SMARCA2: variants seen among roughly 807,000 people sequenced by gnomAD.
The protein encoded by SMARCA2 is SWI/SNF-related matrix-associated actin-dependent regulator of chromatin subfamily A member 2.
SMARCA2 carries 61 observed loss-of-function variants against 199.8 expected under a neutral mutation model. That is an observed-to-expected ratio of 0.31 (90% confidence interval 0.25 to 0.38). The LOEUF (loss-of-function observed/expected upper bound fraction) is 0.38, where lower values mean the gene tolerates loss of function less well. Ranked by LOEUF, SMARCA2 falls within the 10% of genes least tolerant of loss-of-function variation. The pLI is 1.00. For synonymous variants in SMARCA2, 935 were observed against 732.0 expected (o/e 1.28, Z -4.48); for missense variants, 1,344 against 2,012.2 (o/e 0.67, Z 6.35).
chr9:2,028,905 C>T, intron 1 of SMARCA2, 82 bp from the exon 2 acceptor site: 1 of 1,161,028 alleles, frequency 8.6e-7, no homozygotes, highest in Non-Finnish European at 1.2e-6. Flanking sequence ...GAAATGGCAC[C>T]ATCAAATGCT....
chr9:2,185,488 T>C (rs1205762663), intron 31 of SMARCA2, among the ~76,000 whole-genome samples: 1 of 152,372 alleles, frequency 6.6e-6, no homozygotes, highest in Admixed American at 6.5e-5. Flanking sequence ...TGTGCCAATG[T>C]CTTTTCAAGA....
At chr9:2,034,512 G>A (rs887970016) in intron 3 of SMARCA2, among the ~76,000 whole-genome samples, 7 of 152,092 alleles carry the variant, frequency 4.6e-5, no homozygotes, top group African/African-American at 1.7e-4. Context: ...AACATATGAC[G>A]GACATGAGTT....
chr9:2,110,184 C>CA lies in SMARCA2; in HGVS notation c.3293-70_3293-69insA. 3.9e-6 allele frequency: 5 copies of CA among 1,285,292 alleles called. No homozygotes were observed. Among genetic ancestry groups the CA allele is most frequent in the African/African-American group, 1.5e-5 (1 of 66,992 alleles). 79.6% of individuals were successfully genotyped at this position (1,285,292 alleles called of 1,614,324 possible). A position where few individuals can be genotyped will look rare whatever the true frequency, so the allele number is the denominator to read the frequency against. ...GGTATATTTCTTGAAGGAAGCAAGC[C>CA]TTTTTGTCTCATTCTGTGCCATTTT... On this transcript the variant is annotated intron_variant, in intron 23 of 33. Transcript: ENST00000349721. The surrounding 1 kb of genome is among the most constrained non-coding windows in gnomAD (Gnocchi z 4.8).
chr9:2,069,986 A>T (rs533514019), intron 9 of SMARCA2, among the ~76,000 whole-genome samples: 2 of 152,208 alleles, frequency 1.3e-5, no homozygotes, highest in African/African-American at 2.4e-5. Context: ...ATCAGAGCTT[A>T]TTCTTGATGG....
intron 5 of SMARCA2, among the ~76,000 whole-genome samples, chr9:2,048,223 G>T (rs1819964661): frequency 6.6e-6 from 1 of 152,140 alleles, no homozygotes; most frequent in African/African-American, 2.4e-5. Context: ...GATGTAAATG[G>T]TTAATGTCAA....
rs1823171326 is a variant in SMARCA2, at chr9:2,115,331, G to A, written c.3457-491G>A. ...AGGAAATTGACTACCTGAGCAGTCA[G>A]TGTGTGTGTATGTGTGTGTGTGGTA... is the stretch of plus-strand genomic sequence containing the variant. On this transcript the variant is annotated intron_variant, in intron 24 of 33. Transcript: ENST00000349721. The surrounding 1 kb of genome is among the most constrained non-coding windows in gnomAD (Gnocchi z 6.0). Among the ~76,000 whole-genome samples, 1 of 152,164 alleles carries A rather than the reference G, an allele frequency of 6.6e-6. No individual in the cohort carries two copies. Among genetic ancestry groups the A allele is most frequent in the South Asian group, 2.1e-4 (1 of 4,824 alleles).
chr9:2,154,947 A>G (rs1451564901), intron 27 of SMARCA2, among the ~76,000 whole-genome samples: 1 of 152,140 alleles, frequency 6.6e-6, no homozygotes, highest in East Asian at 1.9e-4. Context: ...AACTTGATTG[A>G]TGATCTCGGA....
At chr9:2,046,607 T>G (rs1294341614) in intron 4 of SMARCA2, among the ~76,000 whole-genome samples, 1 of 152,254 alleles carries the variant, frequency 6.6e-6, no homozygotes, top group Non-Finnish European at 1.5e-5. Context: ...AGAAGACTGA[T>G]AAACTCGTTG....
intron 23 of SMARCA2, among the ~76,000 whole-genome samples, chr9:2,108,875 G>A (rs965859459): frequency 9.9e-5 from 15 of 152,040 alleles, no homozygotes; most frequent in African/African-American, 2.7e-4. Context: ...TGATTGTGTC[G>A]GACCTCACCA....
At chr9:2,068,839 G>A (rs972337424) in intron 9 of SMARCA2, 1 of 151,904 alleles carries the variant, frequency 6.6e-6, no homozygotes, top group Admixed American at 6.6e-5. Context: ...AGAGGTTATC[G>A]TAAGTGGAAG....
At chr9:2,105,053 T>A (rs1822691464) in intron 23 of SMARCA2, among the ~76,000 whole-genome samples, 1 of 152,210 alleles carries the variant, frequency 6.6e-6, no homozygotes, top group East Asian at 1.9e-4. Context: ...TAAAAGACTT[T>A]ATTTTCAATC....
At position 2,181,995 on chromosome 9, in the gene SMARCA2, G is replaced by A. The variant is rs577078060; in HGVS notation, c.4360-146G>A. ...TGGGAGGGTGGACTTGGTGAATGGC[G>A]CCCCCTGGGGTTATGCAGTCCCAGA... On this transcript the variant is annotated intron_variant, in intron 30 of 33. Transcript: ENST00000349721. The A allele has an allele frequency of 2.5e-5, 17 of 685,200 alleles. No individual in the cohort carries two copies. The East Asian group carries it at 2.6e-4, about 10-fold the overall frequency. The allele number at this position is 685,200 out of a possible 1,614,324, so 42.4% of individuals were successfully genotyped here.
At chr9:2,171,205 G>A (rs1389603949) in intron 29 of SMARCA2, among the ~76,000 whole-genome samples, 3 of 152,180 alleles carry the variant, frequency 2.0e-5, no homozygotes, top group Non-Finnish European at 4.4e-5. Context: ...ATTAATATAA[G>A]AGAGATAACA....
chr9:2,133,549 T>C (rs539235209), intron 27 of SMARCA2, among the ~76,000 whole-genome samples: 2 of 152,146 alleles, frequency 1.3e-5, no homozygotes, highest in South Asian at 2.1e-4. Flanking sequence ...CTGCAAAGTG[T>C]TGTGGTTACA....
chr9:2,172,631 A>T (rs1826317801), intron 29 of SMARCA2, among the ~76,000 whole-genome samples: 1 of 152,102 alleles, frequency 6.6e-6, no homozygotes, highest in South Asian at 2.1e-4. Flanking sequence ...CACCAAGCTG[A>T]GGAGGAATTT....
At chr9:2,065,000 T>C (rs572366734) in intron 9 of SMARCA2, among the ~76,000 whole-genome samples, 4,658 of 152,182 alleles carry the variant, frequency 0.031, 93 homozygotes, top group Non-Finnish European at 0.043. Context: ...CTGGCTAACA[T>C]GTTGAAACCC....
At chr9:2,158,074 T>C (rs1291235339) in intron 27 of SMARCA2, among the ~76,000 whole-genome samples, 1 of 151,264 alleles carries the variant, frequency 6.6e-6, no homozygotes, top group Non-Finnish European at 1.5e-5. Context: ...AGGGAGCTAG[T>C]TTGCATCTCG....
intron 27 of SMARCA2, among the ~76,000 whole-genome samples, chr9:2,136,186 C>CTTT (rs35768052): frequency 4.6e-5 from 6 of 131,540 alleles, no homozygotes; most frequent in African/African-American, 8.3e-5. Context: ...TCCCCTGCTT[C>CTTT]TTTTTTTTTT....
At chr9:2,037,326 A>G (rs1183450868) in intron 3 of SMARCA2, among the ~76,000 whole-genome samples, 1 of 152,218 alleles carries the variant, frequency 6.6e-6, no homozygotes, top group Non-Finnish European at 1.5e-5. Flanking sequence ...AATTTATATA[A>G]CCAACTAAAA....
Sources: allele counts gnomAD v4.1 joint callset (sites outside exome capture counted in the v4.1 genomes callset), GRCh38; gene constraint gnomAD v4.1.1; non-coding constraint Gnocchi (gnomAD v3.1); transcripts MANE v1.5; gene names NCBI Gene and HGNC (gene_info 2026-07-23, HGNC 2026-07-21).